The following NKAIN3 variants were observed in gnomAD, a reference collection of about 807,000 sequenced individuals.
NKAIN3 encodes sodium/potassium-transporting ATPase subunit beta-1-interacting protein 3.
In NKAIN3, 25 loss-of-function variants were observed where a neutral mutation model predicts 30.2. The ratio of observed to expected loss-of-function variants is 0.83; its 90% CI spans 0.60 to 1.16. The LOEUF (loss-of-function observed/expected upper bound fraction) is 1.16, where lower values mean the gene tolerates loss of function less well. Ranked by LOEUF, NKAIN3 falls within the 50% of genes most tolerant of loss-of-function variation. The pLI, the probability that NKAIN3 is intolerant of heterozygous loss-of-function variation, is 0.00. For synonymous variants in NKAIN3, 91 were observed against 89.6 expected (o/e 1.02, Z -0.09); for missense variants, 225 against 254.1 (o/e 0.89, Z 0.78).
rs555220416 is a variant in NKAIN3 at position 62,866,923 on chromosome 8, C to T, written c.472-51530C>T. 2.7e-3 allele frequency among the ~76,000 whole-genome samples: 392 copies of T among 144,844 alleles called. 1 individual carries two copies. Among genetic ancestry groups the T allele is most frequent in the Non-Finnish European group, 4.5e-3 (300 of 66,290 alleles). On this transcript the variant is annotated intron_variant, in intron 4 of 6. Transcript: ENST00000623646. ...AAAAAAAATTGGCCGGGCTTGGTGGCGGGTGCCTGTAGACCCAGCTACTCT... is the reference window on the plus strand; with the variant it reads ...AAAAAAAATTGGCCGGGCTTGGTGGTGGGTGCCTGTAGACCCAGCTACTCT...
At chr8:62,652,739 CT>C (rs1265351896) in intron 3 of NKAIN3, among the ~76,000 whole-genome samples, 1 of 152,162 alleles carries the variant, frequency 6.6e-6, no homozygotes, top group African/African-American at 2.4e-5. Flanking sequence ...TGCCAGAGCT[CT>C]TCTAAGCACT....
intron 1 of NKAIN3, among the ~76,000 whole-genome samples, chr8:62,410,014 C>A (rs1585776430): frequency 6.6e-6 from 1 of 151,978 alleles, no homozygotes; most frequent in Non-Finnish European, 1.5e-5. Context: ...ATACAGGGAG[C>A]ACATGTTCAG....
intron 3 of NKAIN3, among the ~76,000 whole-genome samples, chr8:62,602,904 A>C (rs1483428436): frequency 2.0e-5 from 3 of 152,122 alleles, no homozygotes; most frequent in African/African-American, 7.2e-5. Context: ...AGAACATTAC[A>C]TAGCATTAAG....
At chr8:62,463,242 T>C (rs913882468) in intron 1 of NKAIN3, among the ~76,000 whole-genome samples, 1 of 152,188 alleles carries the variant, frequency 6.6e-6, no homozygotes, top group Non-Finnish European at 1.5e-5. Context: ...TATAATTTGG[T>C]TTAAGAGACT....
intron 1 of NKAIN3, among the ~76,000 whole-genome samples, chr8:62,286,385 G>C (rs1813380984): frequency 6.6e-6 from 1 of 152,072 alleles, no homozygotes; most frequent in African/African-American, 2.4e-5. Flanking sequence ...AGAAGATACA[G>C]TATTTTTTTT....
chr8:62,255,831 G>C (rs540172888), intron 1 of NKAIN3, among the ~76,000 whole-genome samples: 3 of 152,086 alleles, frequency 2.0e-5, no homozygotes, highest in Non-Finnish European at 4.4e-5. Context: ...AGAATCACCC[G>C]GGGGAGCTTC....
intron 1 of NKAIN3, among the ~76,000 whole-genome samples, chr8:62,379,219 C>T (rs188529663): frequency 3.1e-4 from 47 of 152,278 alleles, no homozygotes; most frequent in African/African-American, 1.0e-3. Flanking sequence ...TTATCCAATA[C>T]CTGTACCCCG....
intron 4 of NKAIN3, among the ~76,000 whole-genome samples, chr8:62,822,048 GA>G (rs1818864995): frequency 6.6e-6 from 1 of 152,056 alleles, no homozygotes; most frequent in Non-Finnish European, 1.5e-5. Context: ...ATACAAATTT[GA>G]AGATTCATTT....
rs150164500 is a variant in NKAIN3, at chr8:62,312,337, G to T, written c.54+63210G>T. The stretch of plus-strand genomic sequence containing the variant: ...GTCAGTCACATAAAAATTAGGGTTT[G>T]GAAGAAAATATTAGGCTCTTAAGCA... On this transcript the variant is annotated intron_variant, in intron 1 of 6. Coordinates refer to ENST00000623646, the MANE Select transcript of NKAIN3 (RefSeq NM_001304533.3). Among the ~76,000 whole-genome samples, 1,025 of 150,620 alleles carry T rather than the reference G, an allele frequency of 6.8e-3. 89 individuals are homozygous for T. Among genetic ancestry groups the T allele is most frequent in the African/African-American group, 0.024 (974 of 39,998 alleles).
intron 1 of NKAIN3, among the ~76,000 whole-genome samples, chr8:62,318,328 G>A (rs917356003): frequency 2.0e-5 from 3 of 151,338 alleles, no homozygotes; most frequent in Non-Finnish European, 3.0e-5. Context: ...GTTGTCCAAC[G>A]TCCTATGTTG....
intron 1 of NKAIN3, among the ~76,000 whole-genome samples, chr8:62,544,688 C>T (rs1341573718): frequency 1.3e-5 from 2 of 150,952 alleles, no homozygotes; most frequent in Admixed American, 6.7e-5. Context: ...TCCCAGACAT[C>T]CTTCTAAGTG....
chr8:62,718,309 A>T (rs925856393), intron 3 of NKAIN3, among the ~76,000 whole-genome samples: 1 of 152,186 alleles, frequency 6.6e-6, no homozygotes, highest in Non-Finnish European at 1.5e-5. Flanking sequence ...AAACAGAAGG[A>T]TTATTTATTA....
chr8:62,280,419 G>A (rs947659220), intron 1 of NKAIN3, among the ~76,000 whole-genome samples: 1 of 152,108 alleles, frequency 6.6e-6, no homozygotes, highest in Non-Finnish European at 1.5e-5. Flanking sequence ...ATATTGAATA[G>A]GAGTGGTGAG....
At chr8:62,311,876 C>T (rs1309854113) in intron 1 of NKAIN3, among the ~76,000 whole-genome samples, 1 of 150,366 alleles carries the variant, frequency 6.7e-6, no homozygotes, top group Non-Finnish European at 1.5e-5. Flanking sequence ...AAGTAAAAGG[C>T]TAACTCTCAC....
At chr8:62,829,773 T>C (rs548628643) in intron 4 of NKAIN3, among the ~76,000 whole-genome samples, 8 of 152,330 alleles carry the variant, frequency 5.3e-5, no homozygotes, top group Admixed American at 2.0e-4. Flanking sequence ...GATAGATCTA[T>C]TTAAAAGGAA....
intron 4 of NKAIN3, among the ~76,000 whole-genome samples, chr8:62,866,799 C>A (rs1443348894): frequency 4.0e-5 from 6 of 151,428 alleles, no homozygotes; most frequent in Admixed American, 6.6e-5. Context: ...CTAATCCCAG[C>A]ACTTTGGGAG....
chr8:62,457,908 T>C (rs1328100161), intron 1 of NKAIN3, among the ~76,000 whole-genome samples: 1 of 152,188 alleles, frequency 6.6e-6, no homozygotes, highest in Non-Finnish European at 1.5e-5. Context: ...AAAACAGACA[T>C]GTGGCCAAGA....
intron 3 of NKAIN3, among the ~76,000 whole-genome samples, chr8:62,700,102 G>A (rs561382517): frequency 6.6e-6 from 1 of 152,180 alleles, no homozygotes; most frequent in East Asian, 1.9e-4. Flanking sequence ...TCCAGTCTGG[G>A]CAATAGAGCA....
At chr8:62,954,636 A>G (rs1035448177) in intron 6 of NKAIN3, among the ~76,000 whole-genome samples, 1 of 152,226 alleles carries the variant, frequency 6.6e-6, no homozygotes, top group Non-Finnish European at 1.5e-5. Flanking sequence ...ACTAGGAAAC[A>G]TGGAAATAGA....
Sources: allele counts gnomAD v4.1 joint callset (sites outside exome capture counted in the v4.1 genomes callset), GRCh38; gene constraint gnomAD v4.1.1; transcripts MANE v1.5; gene names NCBI Gene and HGNC (gene_info 2026-07-23, HGNC 2026-07-21).